LRRC7: variants seen among roughly 807,000 people sequenced by gnomAD.
The protein encoded by LRRC7 is leucine-rich repeat-containing protein 7.
A neutral mutation model predicts 175.7 loss-of-function variants in LRRC7; 23 were observed. The observed-to-expected ratio is 0.13, with a 90% CI of 0.09 to 0.19. LRRC7 has a LOEUF of 0.19. Among genes scored for constraint, LRRC7 ranks in the 10% least tolerant of loss-of-function variants. The pLI is 1.00. For missense variants in LRRC7, 1,354 were observed against 1,904.7 expected (o/e 0.71, Z 5.38); for synonymous variants, 685 against 680.9 (o/e 1.01, Z -0.09).
chr1:69,981,696 C>G (rs1315712790), intron 9 of LRRC7, among the ~76,000 whole-genome samples: 1 of 152,116 alleles, frequency 6.6e-6, no homozygotes, highest in African/African-American at 2.4e-5. Flanking sequence ...ATGTACAAAT[C>G]CTGAGGCAAC....
intron 7 of LRRC7, among the ~76,000 whole-genome samples, chr1:69,888,540 C>T (rs555992154): frequency 1.2e-4 from 19 of 152,220 alleles, no homozygotes; most frequent in Non-Finnish European, 2.2e-4. Flanking sequence ...GAGATGAACC[C>T]GGTACCTCAG....
intron 4 of LRRC7, among the ~76,000 whole-genome samples, chr1:69,811,964 C>G (rs748767338): frequency 4.6e-4 from 70 of 152,124 alleles, no homozygotes; most frequent in Non-Finnish European, 8.1e-4. Flanking sequence ...AACTAAGTTT[C>G]CAGTGCTTCG....
intron 7 of LRRC7, among the ~76,000 whole-genome samples, chr1:69,841,230 T>C (rs1557796666): frequency 6.6e-6 from 1 of 152,074 alleles, no homozygotes; most frequent in Non-Finnish European, 1.5e-5. Flanking sequence ...TGCTTCTCTA[T>C]AGGGCTACTC....
chr1:69,819,281 T>C (rs1039971928), intron 4 of LRRC7, among the ~76,000 whole-genome samples: 6 of 152,036 alleles, frequency 3.9e-5, no homozygotes, highest in South Asian at 2.1e-4. Flanking sequence ...TGTATCAAGA[T>C]TTTCTTTTAA....
At chr1:69,968,925 T>A (rs1160214658) in intron 8 of LRRC7, among the ~76,000 whole-genome samples, 1 of 152,000 alleles carries the variant, frequency 6.6e-6, no homozygotes, top group Non-Finnish European at 1.5e-5. Context: ...TTCACACCAT[T>A]CTCTTGACTC....
rs554501644 is a variant in LRRC7 at position 69,577,346 on chromosome 1, G to A, written c.2+8705G>A. Among the ~76,000 whole-genome samples, 284 of 152,192 alleles carry A rather than the reference G, an allele frequency of 1.9e-3. 1 individual carries two copies. Among genetic ancestry groups the A allele is most frequent in the Non-Finnish European group, 3.5e-3 (238 of 67,998 alleles). On this transcript the variant is annotated intron_variant, in intron 1 of 26. Coordinates refer to ENST00000651989, the MANE Select transcript of LRRC7 (RefSeq NM_001370785.2). ...AGATAGAAATGCATGAAAATCTGATGGTAGTTTCTTTTGCTGTGCAGAAGC... is the reference window on the plus strand; with the variant it reads ...AGATAGAAATGCATGAAAATCTGATAGTAGTTTCTTTTGCTGTGCAGAAGC...
In LRRC7 at chr1:70,121,948, T is replaced by C; in HGVS notation, c.*61T>C. The C allele has an allele frequency of 2.4e-6, 3 of 1,261,616 alleles. No homozygotes were observed. The highest frequency in any genetic ancestry group is 3.4e-6 in the Non-Finnish European group (3 of 882,300). The allele number at this position is 1,261,616 out of a possible 1,614,324, so 78.2% of individuals were successfully genotyped here. A position where few individuals can be genotyped will look rare whatever the true frequency, so the allele number is the denominator to read the frequency against. On this transcript the variant is annotated 3_prime_UTR_variant, in exon 27 of 27. Coordinates refer to ENST00000651989, the MANE Select transcript of LRRC7 (RefSeq NM_001370785.2). ...GACCTAATGTTCAAAAATAAATTTA[T>C]ACATAGAAACAAATTTTGCCAATTG...
chr1:70,102,555 G>C (rs183818520), intron 25 of LRRC7, among the ~76,000 whole-genome samples: 1 of 152,182 alleles, frequency 6.6e-6, no homozygotes, highest in East Asian at 1.9e-4. Context: ...AATAGAGATG[G>C]GGTCTCACCA....
intron 21 of LRRC7, among the ~76,000 whole-genome samples, chr1:70,043,405 G>A (rs576844563): frequency 6.6e-6 from 1 of 152,124 alleles, no homozygotes; most frequent in Non-Finnish European, 1.5e-5. Flanking sequence ...AAGCTCAAAT[G>A]GCATTTTGAC....
intron 2 of LRRC7, among the ~76,000 whole-genome samples, chr1:69,743,513 C>T (rs1668937702): frequency 6.6e-6 from 1 of 151,962 alleles, no homozygotes; most frequent in African/African-American, 2.4e-5. Context: ...AGCAATTTAA[C>T]ATGTCAAAGC....
intron 9 of LRRC7, among the ~76,000 whole-genome samples, chr1:69,981,068 C>G (rs1311814918): frequency 6.6e-6 from 1 of 152,172 alleles, no homozygotes; most frequent in Admixed American, 6.5e-5. Flanking sequence ...CTTTTCCCAT[C>G]TAACAAAAGA....
At chr1:69,852,461 T>C (rs902245083) in intron 7 of LRRC7, among the ~76,000 whole-genome samples, 4 of 152,318 alleles carry the variant, frequency 2.6e-5, no homozygotes, top group African/African-American at 9.6e-5. Context: ...CATCTGGCTC[T>C]TGATTATTGG....
At chr1:69,598,893 A>G (rs1418007) in intron 1 of LRRC7, among the ~76,000 whole-genome samples, 23,030 of 152,180 alleles carry the variant, frequency 0.15, 1,925 homozygotes, top group Admixed American at 0.19. Context: ...TCCCATTTGA[A>G]GCTCTTACGT....
intron 18 of LRRC7, among the ~76,000 whole-genome samples, chr1:70,035,625 CAAAAA>C (rs765207825): frequency 5.6e-5 from 4 of 71,842 alleles, no homozygotes; most frequent in African/African-American, 9.1e-5. Flanking sequence ...TAGGGATGCA[CAAAAA>C]AAAAAAAAAA....
chr1:69,640,768 G>A (rs1210501901), intron 1 of LRRC7, among the ~76,000 whole-genome samples: 1 of 150,952 alleles, frequency 6.6e-6, no homozygotes, highest in Admixed American at 6.6e-5. Context: ...GGTAATTCAG[G>A]TTTAAATGAA....
intron 1 of LRRC7, among the ~76,000 whole-genome samples, chr1:69,674,419 AG>A (rs899454189): frequency 3.6e-4 from 55 of 152,324 alleles, no homozygotes; most frequent in African/African-American, 1.2e-3. Context: ...AGTTGTTCAA[AG>A]GATTAATGAA....
At chr1:70,004,072 A>T (rs1655779074) in intron 11 of LRRC7, among the ~76,000 whole-genome samples, 2 of 152,198 alleles carry the variant, frequency 1.3e-5, no homozygotes, top group Non-Finnish European at 2.9e-5. Context: ...AGATGGGAAA[A>T]TTGGGTTCAA....
rs1173406894 is a variant in LRRC7, at chr1:70,127,125, GACA to G, written c.*5246_*5248del. Among the ~76,000 whole-genome samples, 1 of 152,162 alleles carries G rather than the reference GACA, an allele frequency of 6.6e-6. No homozygotes were observed. Among genetic ancestry groups the G allele is most frequent in the Non-Finnish European group, 1.5e-5 (1 of 68,012 alleles). On this transcript the variant is annotated 3_prime_UTR_variant, in exon 27 of 27. Transcript: ENST00000651989. ...AAGATGGAGTGCTTATAATGTTACT[GACA>G]ACAACAAACAAAGCCTGTGTGCAAT...
chr1:69,807,607 G>A (rs1034130641), intron 4 of LRRC7, among the ~76,000 whole-genome samples: 2 of 152,052 alleles, frequency 1.3e-5, no homozygotes, highest in African/African-American at 4.8e-5. Flanking sequence ...TTCTCTTTAA[G>A]AATGTTGAAT....
Sources: allele counts gnomAD v4.1 joint callset (sites outside exome capture counted in the v4.1 genomes callset), GRCh38; gene constraint gnomAD v4.1.1; transcripts MANE v1.5; gene names NCBI Gene and HGNC (gene_info 2026-07-23, HGNC 2026-07-21).